The following ALMS1 variants were observed in gnomAD, a reference collection of about 807,000 sequenced individuals.
ALMS1 encodes the protein centrosome-associated protein ALMS1.
ALMS1 carries 271 observed loss-of-function variants against 352.2 expected under a neutral mutation model. That is an observed-to-expected ratio of 0.77 (90% CI 0.70 to 0.85). The LOEUF is 0.85. ALMS1 is among the 40% of genes least tolerant of loss of function. The probability of loss-of-function intolerance (pLI) is 0.00; values close to 1 mark genes in which losing one functional copy is unlikely to be tolerated. For synonymous variants in ALMS1, 1,865 were observed against 1,761.2 expected (o/e 1.06, Z -1.48); for missense variants, 5,445 against 4,870.7 (o/e 1.12, Z -3.51).
In ALMS1 at chr2:73,449,013, A is replaced by G. The variant is rs370830603; in HGVS notation, c.2486A>G (p.His829Arg). 5.5e-5 allele frequency: 88 copies of G among 1,613,826 alleles called. No homozygotes were observed. Among genetic ancestry groups the G allele is most frequent in the Non-Finnish European group, 6.3e-5 (74 of 1,179,954 alleles). The change falls in exon 8 of 23, where the codon CAT becomes CGT. Residue 829 changes from histidine to arginine, a missense_variant. By Grantham distance (29) the His-to-Arg change is conservative. Coordinates refer to ENST00000613296, the MANE Select transcript of ALMS1 (RefSeq NM_001378454.1). ...VFYQQALLDS[H>R]LPEEALKVSA... ...TACCAACAGGCCTTGCTGGACAGCC[A>G]TCTACCCGAAGAGGCTCTGAAAGTT...
At chr2:73,426,722 T>G (rs1671387228) in intron 6 of ALMS1, among the ~76,000 whole-genome samples, 169 bp downstream of exon 6, 1 of 152,226 alleles carries the variant, frequency 6.6e-6, no homozygotes, top group African/African-American at 2.4e-5. Context: ...AATTTCATGG[T>G]GATCTAGAGA....
In ALMS1 at chr2:73,602,273, T is replaced by A. The variant is rs749813891; in HGVS notation, c.12203T>A (p.Leu4068Gln). Residue 4068 changes from leucine to glutamine, a missense_variant, in exon 20 of 23, where the codon CTG becomes CAG. Coordinates refer to ENST00000613296, the MANE Select transcript of ALMS1 (RefSeq NM_001378454.1). ...AAGTTAATAGTCCAGGAGAGGAAGCTGCAGAGCATGTTACAGACCGAGCGG... is the reference window on the plus strand; with the variant it reads ...AAGTTAATAGTCCAGGAGAGGAAGCAGCAGAGCATGTTACAGACCGAGCGG... ...RLKLIVQERK[L>Q]QSMLQTERDA... The A allele has an allele frequency of 6.2e-7, 1 of 1,614,202 alleles. No individual in the cohort carries two copies.
chr2:73,401,288 C>A lies in ALMS1; in HGVS notation c.325-7334C>A, dbSNP rs147895803. 2.9e-4 allele frequency among the ~76,000 whole-genome samples: 44 copies of A among 151,958 alleles called. No individual in the cohort carries two copies. In the East Asian group the frequency reaches 8.1e-3, roughly 28 times the overall value. On this transcript the variant is annotated intron_variant, in intron 1 of 22. Coordinates refer to ENST00000613296, the MANE Select transcript of ALMS1 (RefSeq NM_001378454.1). ...CTCCTCACTTTAAATATGATTTATT[C>A]TTCTTTTTCTAGTTTCCTAAGTTGG...
rs2104199743 is a variant in ALMS1 at position 73,602,261 on chromosome 2, A to G, written c.12191A>G (p.Gln4064Arg). ...ATAAAGCGCCTGAAGTTAATAGTCC[A>G]GGAGAGGAAGCTGCAGAGCATGTTA... ...ERIKRLKLIV[Q>R]ERKLQSMLQT... The change falls in exon 20 of 23, where the codon CAG (glutamine) becomes CGG (arginine). Residue 4064 changes from glutamine (Q) to arginine (R), a missense_variant. Gln to Arg is a conservative substitution (Grantham distance 43, BLOSUM62 1). Coordinates refer to ENST00000613296, the MANE Select transcript of ALMS1 (RefSeq NM_001378454.1). The G allele has an allele frequency of 1.9e-6, 3 of 1,614,152 alleles. No homozygotes were observed. Among genetic ancestry groups the G allele is most frequent in the Non-Finnish European group, 2.5e-6 (3 of 1,180,014 alleles).
At chr2:73,552,488 A>G (rs1308933513) in intron 13 of ALMS1, among the ~76,000 whole-genome samples, 1 of 152,122 alleles carries the variant, frequency 6.6e-6, no homozygotes, top group Non-Finnish European at 1.5e-5. Flanking sequence ...ATTGGCAGGA[A>G]AGAAGTGAAC....
intron 12 of ALMS1, among the ~76,000 whole-genome samples, chr2:73,545,124 G>A (rs6757996): frequency 0.45 from 67,806 of 151,576 alleles, 17,050 homozygotes; most frequent in African/African-American, 0.7. Flanking sequence ...TTACATAACA[G>A]TGTGAATATA....
chr2:73,469,197 A>G (rs1365307037), intron 9 of ALMS1, among the ~76,000 whole-genome samples: 1 of 151,968 alleles, frequency 6.6e-6, no homozygotes, highest in Non-Finnish European at 1.5e-5. Flanking sequence ...TAGAAAAAAA[A>G]ACCATGAAGT....
rs1670907765 is a variant in ALMS1, at chr2:73,403,306, C to T, written c.325-5316C>T. On this transcript the variant is annotated intron_variant, in intron 1 of 22. Transcript: ENST00000613296. ...AGAGATCTTCTATTCCCTATTGTGT[C>T]TTCTTGGTGCCCTTGTCAAAAATTA... 7.9e-5 allele frequency among the ~76,000 whole-genome samples: 12 copies of T among 152,214 alleles called. No homozygotes were observed. In the South Asian group the frequency reaches 2.5e-3, roughly 32 times the overall value.
intron 12 of ALMS1, among the ~76,000 whole-genome samples, chr2:73,545,708 G>A (rs1413798082): frequency 6.6e-6 from 1 of 152,160 alleles, no homozygotes; most frequent in Non-Finnish European, 1.5e-5. Context: ...AATAATTTTA[G>A]CATATGTTGA....
At chr2:73,480,136 T>C (rs1672664520) in intron 9 of ALMS1, among the ~76,000 whole-genome samples, 1 of 152,084 alleles carries the variant, frequency 6.6e-6, no homozygotes, top group Non-Finnish European at 1.5e-5. Context: ...GCAGGTTAGT[T>C]ACATATGTAT....
Position 73,449,879 on chromosome 2 carries a change from A to G in ALMS1, c.3352A>G (p.Lys1118Glu), listed in dbSNP as rs770713526. ...GACCTTGCCAGAGAGTCATCTGCCT[A>G]AAGAGGCTCTGAAAATTTCAGTAGC... is the stretch of plus-strand genomic sequence containing the variant. ...QQTLPESHLP[K>E]EALKISVAPG... The change falls in exon 8 of 23, where the codon AAA becomes GAA. Residue 1118 changes from lysine (K) to glutamate (E), a missense_variant. Transcript: ENST00000613296. 2.5e-6 allele frequency: 4 copies of G among 1,612,644 alleles called. No homozygotes were observed. Among genetic ancestry groups the G allele is most frequent in the Admixed American group, 3.3e-5 (2 of 59,912 alleles).
intron 4 of ALMS1, among the ~76,000 whole-genome samples, chr2:73,423,892 C>T (rs1671329795): frequency 6.6e-6 from 1 of 152,108 alleles, no homozygotes; most frequent in Admixed American, 6.5e-5. Context: ...ATCCTCCTGC[C>T]TTAGCCTCCA....
chr2:73,489,867 C>A lies in ALMS1; in HGVS notation c.7908C>A (p.Asn2636Lys), dbSNP rs1672938506. ...HVNLSASLDQNNSHFKVWNSL... is the reference protein window; with the variant it reads ...HVNLSASLDQKNSHFKVWNSL... ...ACCTTTCTGCATCCTTAGACCAGAA[C>A]AACTCCCATTTCAAAGTTTGGAATT... The change falls in exon 10 of 23, where the codon AAC becomes AAA. Residue 2636 changes from asparagine to lysine, a missense_variant. Asn to Lys is a moderately conservative substitution (Grantham distance 94). Coordinates refer to ENST00000613296, the MANE Select transcript of ALMS1 (RefSeq NM_001378454.1). 2.5e-6 allele frequency: 4 copies of A among 1,614,076 alleles called. No individual in the cohort carries two copies. Among genetic ancestry groups the A allele is most frequent in the South Asian group, 1.1e-5 (1 of 91,084 alleles).
At chr2:73,435,400 G>GT (rs974675818) in intron 7 of ALMS1, among the ~76,000 whole-genome samples, 8 of 151,188 alleles carry the variant, frequency 5.3e-5, no homozygotes, top group East Asian at 3.9e-4. Context: ...TTTCTAGGTA[G>GT]TTTTTTTTAA....
chr2:73,405,920 AC>A (rs1188016485), intron 1 of ALMS1, among the ~76,000 whole-genome samples: 1 of 152,182 alleles, frequency 6.6e-6, no homozygotes. Flanking sequence ...CAGAAAAGAT[AC>A]CTAATACTTT....
In ALMS1 at chr2:73,589,839, A is replaced by G. The variant is rs143829301; in HGVS notation, c.11548-9562A>G. 9.5e-4 allele frequency among the ~76,000 whole-genome samples: 144 copies of G among 152,298 alleles called. 1 individual carries two copies. Among genetic ancestry groups the G allele is most frequent in the Non-Finnish European group, 1.7e-3 (119 of 68,030 alleles). ...ATGTCCCCTTATGCGTCTGTCTGAA[A>G]CTGTCTTTAGCATATATACCCAGAA... On this transcript the variant is annotated intron_variant, in intron 16 of 22. Transcript: ENST00000613296.
intron 2 of ALMS1, among the ~76,000 whole-genome samples, chr2:73,415,349 A>T (rs1671164144): frequency 6.6e-6 from 1 of 152,340 alleles, no homozygotes; most frequent in Middle Eastern, 3.4e-3. Flanking sequence ...TAGGAGAGGA[A>T]TGATTCAGTA....
At chr2:73,464,297 A>C (rs561663984) in intron 9 of ALMS1, among the ~76,000 whole-genome samples, 2 of 152,388 alleles carry the variant, frequency 1.3e-5, no homozygotes, top group Non-Finnish European at 2.9e-5. Context: ...CAACATATGC[A>C]AATCAATAAA....
Position 73,424,536 on chromosome 2 carries a change from A to G in ALMS1, c.871A>G (p.Ser291Gly), listed in dbSNP as rs2103714771. Residue 291 changes from serine to glycine, a missense_variant, in exon 5 of 23, where the codon AGT becomes GGT. Coordinates refer to ENST00000613296, the MANE Select transcript of ALMS1 (RefSeq NM_001378454.1). ...TAEVASDLAS[S>G]RFSVSQHPLI... Reference sequence around the variant, plus strand: ...AGAAGTAGCTTCAGACTTAGCAAGCAGTCGCTTTAGTGTATCTCAGCACCC... The same window carrying G: ...AGAAGTAGCTTCAGACTTAGCAAGCGGTCGCTTTAGTGTATCTCAGCACCC... 1 of 1,612,012 alleles carries G rather than the reference A, an allele frequency of 6.2e-7. No individual in the cohort carries two copies. The highest frequency in any genetic ancestry group is 1.3e-5 in the African/African-American group (1 of 74,922).
Sources: allele counts gnomAD v4.1 joint callset (sites outside exome capture counted in the v4.1 genomes callset), GRCh38; gene constraint gnomAD v4.1.1; transcripts MANE v1.5; gene names NCBI Gene and HGNC (gene_info 2026-07-23, HGNC 2026-07-21).